Variants in DPP10 observed in about 807,000 individuals in gnomAD.
DPP10 encodes the protein inactive dipeptidyl peptidase 10.
In DPP10, 33 loss-of-function variants were observed where a neutral mutation model predicts 120.9. The ratio of observed to expected loss-of-function variants is 0.27; its 90% CI spans 0.21 to 0.37. The LOEUF (loss-of-function observed/expected upper bound fraction) is 0.37, where lower values mean the gene tolerates loss of function less well. Ranked by LOEUF, DPP10 falls within the 10% of genes least tolerant of loss-of-function variation. The pLI is 1.00. For synonymous variants in DPP10, 337 were observed against 326.1 expected (o/e 1.03, Z -0.36); for missense variants, 816 against 942.8 (o/e 0.87, Z 1.76).
At chr2:115,312,176 A>G (rs982367522) in intron 2 of DPP10, among the ~76,000 whole-genome samples, 2 of 152,202 alleles carry the variant, frequency 1.3e-5, no homozygotes, top group Non-Finnish European at 2.9e-5. Context: ...GAAAATAATA[A>G]TGCTGGAGTG....
At chr2:115,798,591 T>C (rs952946084) in intron 19 of DPP10, among the ~76,000 whole-genome samples, 2 of 152,120 alleles carry the variant, frequency 1.3e-5, no homozygotes, top group Non-Finnish European at 2.9e-5. Flanking sequence ...CTCCAGGCTT[T>C]TCTAGTCCAA....
intron 1 of DPP10, among the ~76,000 whole-genome samples, chr2:114,564,943 A>G (rs561430563): frequency 6.6e-5 from 10 of 152,316 alleles, no homozygotes; most frequent in Admixed American, 5.9e-4. Context: ...ATCCATTAAT[A>G]ATTTTATTTA....
intron 1 of DPP10, among the ~76,000 whole-genome samples, chr2:114,622,224 C>T (rs1388567056): frequency 3.3e-5 from 5 of 151,906 alleles, no homozygotes; most frequent in Admixed American, 3.3e-4. Context: ...ATGGTAGATA[C>T]TTCACTTATA....
chr2:115,159,686 A>C (rs1237563351), intron 1 of DPP10, among the ~76,000 whole-genome samples: 1 of 152,156 alleles, frequency 6.6e-6, no homozygotes, highest in East Asian at 1.9e-4. Flanking sequence ...AAGGACAAAT[A>C]CTTAAATCAA....
intron 5 of DPP10, among the ~76,000 whole-genome samples, chr2:115,593,468 T>A (rs1319161021): frequency 6.6e-6 from 1 of 152,172 alleles, no homozygotes; most frequent in African/African-American, 2.4e-5. Context: ...TTGCTATTAT[T>A]TTTTTACTGA....
chr2:115,367,048 A>G (rs193176231), intron 3 of DPP10, among the ~76,000 whole-genome samples: 1 of 152,104 alleles, frequency 6.6e-6, no homozygotes, highest in Non-Finnish European at 1.5e-5. Context: ...TCCCTAATAG[A>G]TATTGTAAGA....
intron 1 of DPP10, among the ~76,000 whole-genome samples, chr2:115,304,101 G>T (rs1005407590): frequency 1.3e-5 from 2 of 151,742 alleles, no homozygotes; most frequent in Admixed American, 6.6e-5. Flanking sequence ...ATTACTTACC[G>T]TTGAAAATAT....
At chr2:115,002,902 T>C (rs143637400) in intron 1 of DPP10, among the ~76,000 whole-genome samples, 236 of 152,210 alleles carry the variant, frequency 1.6e-3, no homozygotes, top group African/African-American at 5.2e-3. Flanking sequence ...AATGCTTATA[T>C]ACTGCTGATG....
intron 5 of DPP10, among the ~76,000 whole-genome samples, chr2:115,581,746 C>T (rs983344339): frequency 3.3e-5 from 5 of 152,032 alleles, no homozygotes; most frequent in Admixed American, 1.3e-4. Flanking sequence ...TAAATTGAGC[C>T]TGAATCTTAT....
At chr2:114,575,106 G>C (rs912585044) in intron 1 of DPP10, among the ~76,000 whole-genome samples, 5 of 152,280 alleles carry the variant, frequency 3.3e-5, no homozygotes, top group Non-Finnish European at 7.3e-5. Flanking sequence ...TGAAAAGATG[G>C]GAAGCAATGG....
In DPP10 at chr2:115,762,629, G is replaced by C; in HGVS notation, c.1113+19G>C. 1 of 1,612,470 alleles carries C rather than the reference G, an allele frequency of 6.2e-7. No individual in the cohort carries two copies. The highest frequency in any genetic ancestry group is 8.5e-7 in the Non-Finnish European group (1 of 1,179,774). On this transcript the variant is annotated intron_variant, in intron 12 of 25. Coordinates refer to ENST00000410059, the MANE Select transcript of DPP10 (RefSeq NM_020868.6). Reference sequence around the variant, plus strand: ...TCAGCAGGTACAGTATAGGTGGTCTGTCACATCTTGGCCATTGTGACCATC... The same window carrying C: ...TCAGCAGGTACAGTATAGGTGGTCTCTCACATCTTGGCCATTGTGACCATC...
chr2:115,227,277 T>TC (rs2057481077), intron 1 of DPP10, among the ~76,000 whole-genome samples: 1 of 152,198 alleles, frequency 6.6e-6, no homozygotes, highest in African/African-American at 2.4e-5. Flanking sequence ...CAGACTCTAC[T>TC]AATTTTAGCA....
chr2:114,966,108 C>T (rs535142798), intron 1 of DPP10, among the ~76,000 whole-genome samples: 29 of 151,980 alleles, frequency 1.9e-4, no homozygotes, highest in East Asian at 9.7e-4. Context: ...GAAGATATCC[C>T]GGGGACAGGG....
rs11902584 is a variant in DPP10 at position 114,842,184 on chromosome 2, G to A, written c.60+399346G>A. 3.1e-3 allele frequency among the ~76,000 whole-genome samples: 476 copies of A among 152,240 alleles called. 4 individuals carry two copies. The highest frequency in any genetic ancestry group is 0.011 in the African/African-American group (454 of 41,554). On this transcript the variant is annotated intron_variant, in intron 1 of 25. Transcript: ENST00000410059. ...AGGGATCTTTCTGAAAGGACCGGAG[G>A]TGATAGAAGTAGGAGAGATTGGGTT... is the stretch of plus-strand genomic sequence containing the variant.
At chr2:114,827,313 G>A (rs912719888) in intron 1 of DPP10, among the ~76,000 whole-genome samples, 9 of 152,130 alleles carry the variant, frequency 5.9e-5, no homozygotes, top group Admixed American at 2.0e-4. Flanking sequence ...AATAGGAGAT[G>A]TTTTATGGCA....
chr2:114,923,929 G>A (rs368579653), intron 1 of DPP10, among the ~76,000 whole-genome samples: 44 of 151,832 alleles, frequency 2.9e-4, no homozygotes, highest in South Asian at 1.7e-3. Flanking sequence ...TTGTTATATC[G>A]CCCTGGTTGG....
chr2:114,499,448 C>A (rs2104502169), intron 1 of DPP10, among the ~76,000 whole-genome samples: 1 of 152,348 alleles, frequency 6.6e-6, no homozygotes, highest in Middle Eastern at 3.4e-3. Flanking sequence ...CTTCGCTAAG[C>A]TGGACAACTC....
At chr2:114,677,135 T>C (rs2105680187) in intron 1 of DPP10, among the ~76,000 whole-genome samples, 1 of 152,244 alleles carries the variant, frequency 6.6e-6, no homozygotes, top group South Asian at 2.1e-4. Context: ...TTCAGCCCAG[T>C]GTTTTCACTT....
intron 1 of DPP10, among the ~76,000 whole-genome samples, chr2:114,908,916 CT>C (rs1410362756): frequency 2.0e-5 from 3 of 151,548 alleles, no homozygotes; most frequent in African/African-American, 7.3e-5. Context: ...AAATTTTTAT[CT>C]ATATTTGTGA....
Sources: gnomAD v4.1 joint callset for allele counts (sites outside exome capture counted in the v4.1 genomes callset) on GRCh38, gnomAD v4.1.1 for gene constraint, MANE v1.5 for transcripts, NCBI Gene and HGNC (gene_info 2026-07-23, HGNC 2026-07-21) for gene names.